AMPH: variants seen among roughly 807,000 people sequenced by gnomAD.
AMPH encodes the protein amphiphysin (Stiff-Mann syndrome with breast cancer 128kD autoantigen).
A neutral mutation model predicts 99.1 loss-of-function variants in AMPH; 49 were observed. The ratio of observed to expected loss-of-function variants is 0.49; its 90% CI spans 0.39 to 0.63. AMPH has a LOEUF of 0.63. Ranked by LOEUF, AMPH falls within the 20% of genes least tolerant of loss-of-function variation. AMPH has a pLI of 0.00. For synonymous variants in AMPH, 314 were observed against 317.3 expected (o/e 0.99, Z 0.11); for missense variants, 759 against 863.4 (o/e 0.88, Z 1.52).
At chr7:38,492,766 G>C (rs10245053) in intron 4 of AMPH, among the ~76,000 whole-genome samples, 31,796 of 151,962 alleles carry the variant, frequency 0.21, 3,593 homozygotes, top group African/African-American at 0.25. Context: ...AAAAGAAATG[G>C]CAATAGTGAC....
intron 1 of AMPH, among the ~76,000 whole-genome samples, chr7:38,575,387 A>G (rs1362540697): frequency 6.6e-6 from 1 of 152,216 alleles, no homozygotes; most frequent in African/African-American, 2.4e-5. Flanking sequence ...AAGTCTCCAA[A>G]GGACATTTAT....
chr7:38,569,916 T>C (rs961065906), intron 1 of AMPH, among the ~76,000 whole-genome samples: 5 of 152,236 alleles, frequency 3.3e-5, no homozygotes, highest in Admixed American at 3.3e-4. Context: ...ATGTTACATT[T>C]GTCAGGTCAT....
At chr7:38,578,438 C>T (rs186338415) in intron 1 of AMPH, among the ~76,000 whole-genome samples, 2,574 of 151,240 alleles carry the variant, frequency 0.017, 62 homozygotes, top group African/African-American at 0.052. Context: ...TAGATTTTAA[C>T]GAAAATTTTT....
intron 3 of AMPH, among the ~76,000 whole-genome samples, chr7:38,500,281 A>G (rs890057964): frequency 6.6e-6 from 1 of 152,208 alleles, no homozygotes; most frequent in African/African-American, 2.4e-5. Context: ...TTAAAAATTC[A>G]TTCCAATCAG....
chr7:38,612,064 T>C (rs1793698656), intron 1 of AMPH, among the ~76,000 whole-genome samples: 1 of 148,496 alleles, frequency 6.7e-6, no homozygotes, highest in Admixed American at 6.7e-5. Context: ...TAAACACTGC[T>C]AAGACTGATT....
intron 1 of AMPH, among the ~76,000 whole-genome samples, chr7:38,558,355 G>A (rs964557615): frequency 6.6e-6 from 1 of 152,164 alleles, no homozygotes; most frequent in African/African-American, 2.4e-5. Flanking sequence ...AGTGCACCTG[G>A]CCAAAATCCA....
At chr7:38,510,235 T>C (rs1789488044) in intron 2 of AMPH, among the ~76,000 whole-genome samples, 1 of 152,108 alleles carries the variant, frequency 6.6e-6, no homozygotes, top group Admixed American at 6.6e-5. Flanking sequence ...GTGTGGCTTT[T>C]TGTCTGTGTG....
chr7:38,483,010 A>G (rs1788349794), intron 5 of AMPH, among the ~76,000 whole-genome samples: 1 of 152,112 alleles, frequency 6.6e-6, no homozygotes, highest in African/African-American at 2.4e-5. Flanking sequence ...ATCCAGCCAC[A>G]TTGAAACAAG....
At position 38,622,004 on chromosome 7, in the gene AMPH, T is replaced by C. The variant is rs1562867204; in HGVS notation, c.69+9279A>G. On this transcript the variant is annotated intron_variant, in intron 1 of 20. Coordinates refer to ENST00000356264, the MANE Select transcript of AMPH (RefSeq NM_001635.4). The stretch of plus-strand genomic sequence containing the variant: ...TGCAGTCTCAGAAAATCGTGATTAT[T>C]ATCACTTCAATTTTGCATGATGCTG... Among the ~76,000 whole-genome samples the C allele has an allele frequency of 3.9e-5, 6 of 152,298 alleles. No individual in the cohort carries two copies. In the South Asian group the frequency reaches 1.0e-3, roughly 26 times the overall value.
At chr7:38,572,258 T>A (rs889034010) in intron 1 of AMPH, among the ~76,000 whole-genome samples, 41 of 152,090 alleles carry the variant, frequency 2.7e-4, no homozygotes, top group African/African-American at 9.7e-4. Context: ...CTTTTCTATG[T>A]TTAGATACAC....
chr7:38,458,537 G>A (rs1335020030), intron 11 of AMPH, among the ~76,000 whole-genome samples: 1 of 152,152 alleles, frequency 6.6e-6, no homozygotes, highest in Non-Finnish European at 1.5e-5. Flanking sequence ...TTATATCAGG[G>A]ATCTAAGGAT....
Position 38,587,945 on chromosome 7 carries a change from T to TGC in AMPH, c.69+43337_69+43338insGC, listed in dbSNP as rs1333418413. Among the ~76,000 whole-genome samples the TGC allele has an allele frequency of 3.4e-3, 484 of 142,448 alleles. 4 individuals carry two copies. The highest frequency in any genetic ancestry group is 0.012 in the African/African-American group (457 of 37,692). The allele number at this position is 142,448 out of a possible 152,430, so 93.5% of individuals were successfully genotyped here. ...GTGTGTGTGTGTGTGTGTGTGTGTG[T>TGC]GTGTGCGCGTGTGTGTGTGAGAGAG... On this transcript the variant is annotated intron_variant, in intron 1 of 20. Transcript: ENST00000356264.
chr7:38,622,067 C>A (rs992595868), intron 1 of AMPH, among the ~76,000 whole-genome samples: 4 of 152,096 alleles, frequency 2.6e-5, no homozygotes, highest in African/African-American at 9.7e-5. Context: ...TGGGTAAATT[C>A]CTTAAACTCT....
chr7:38,570,327 G>A (rs1344110992), intron 1 of AMPH, among the ~76,000 whole-genome samples: 2 of 152,128 alleles, frequency 1.3e-5, no homozygotes, highest in Non-Finnish European at 2.9e-5. Context: ...AAACCTCCTG[G>A]ATTAGTGAGT....
At chr7:38,462,031 C>T (rs909814406) in intron 10 of AMPH, among the ~76,000 whole-genome samples, 1 of 152,192 alleles carries the variant, frequency 6.6e-6, no homozygotes, top group Non-Finnish European at 1.5e-5. Context: ...AACACTCTCT[C>T]ATGAGGCGGG....
chr7:38,405,671 T>C (rs753366870), intron 17 of AMPH, among the ~76,000 whole-genome samples: 3 of 152,084 alleles, frequency 2.0e-5, no homozygotes. Flanking sequence ...TATATGTAGA[T>C]ATATAGAGAG....
In AMPH at chr7:38,503,668, A is replaced by G; in HGVS notation, c.187T>C (p.Tyr63His). Residue 63 changes from tyrosine (Y) to histidine (H), a missense_variant, in exon 3 of 21, where the codon TAT becomes CAT. Tyr to His is a moderately conservative substitution (Grantham distance 83, BLOSUM62 2). Transcript: ENST00000356264. ...ACATTACCTTTGATTGCTGCTAAAT[A>G]TCCTCGGAGTTCTCGCTGAAGTCTG... ...GTRLQRELRG[Y>H]LAAIKGMQEA... 1 of 1,614,080 alleles carries G rather than the reference A, an allele frequency of 6.2e-7. No homozygotes were observed. The highest frequency in any genetic ancestry group is 8.5e-7 in the Non-Finnish European group (1 of 1,179,950).
chr7:38,498,964 A>T (rs976889068), intron 3 of AMPH, among the ~76,000 whole-genome samples: 10 of 152,010 alleles, frequency 6.6e-5, no homozygotes, highest in South Asian at 2.1e-4. Flanking sequence ...TGTTTCTTCC[A>T]CCTGCAATGT....
intron 17 of AMPH, among the ~76,000 whole-genome samples, chr7:38,405,677 GA>G (rs754937962): frequency 1.7e-4 from 26 of 152,012 alleles, no homozygotes; most frequent in Non-Finnish European, 1.3e-4. Context: ...TAGATATATA[GA>G]GAGATACATA....
Sources: allele counts gnomAD v4.1 joint callset (sites outside exome capture counted in the v4.1 genomes callset), GRCh38; gene constraint gnomAD v4.1.1; transcripts MANE v1.5; gene names NCBI Gene and HGNC (gene_info 2026-07-23, HGNC 2026-07-21).